The following CDH23 variants were observed in gnomAD, a reference collection of about 807,000 sequenced individuals.
CDH23 encodes cadherin-23.
CDH23 carries 189 observed loss-of-function variants against 317.1 expected under a neutral mutation model. The ratio of observed to expected loss-of-function variants is 0.60; its 90% confidence interval spans 0.53 to 0.67. CDH23 has a LOEUF of 0.67. CDH23 is among the 30% of genes least tolerant of loss of function. The pLI is 0.00. For missense variants in CDH23, 4,401 were observed against 4,592.4 expected (o/e 0.96, Z 1.20); for synonymous variants, 1,839 against 1,876.8 (o/e 0.98, Z 0.52).
At chr10:71,434,772 G>T (rs561267895) in intron 1 of CDH23, among the ~76,000 whole-genome samples, 1 of 152,150 alleles carries the variant, frequency 6.6e-6, no homozygotes, top group African/African-American at 2.4e-5. Context: ...AAGCAGTAGC[G>T]GGTGAGGAGG....
chr10:71,608,217 TC>T (rs1860644612), intron 9 of CDH23, among the ~76,000 whole-genome samples: 1 of 152,104 alleles, frequency 6.6e-6, no homozygotes, highest in Non-Finnish European at 1.5e-5. Flanking sequence ...CGTAATAGAC[TC>T]CAGGCACAGA....
At chr10:71,796,874 T>G in intron 48 of CDH23, 1 of 456,492 alleles carries the variant, frequency 2.2e-6, no homozygotes, top group East Asian at 3.8e-5. Flanking sequence ...TGCAGAGAGG[T>G]GACATAACTT....
intron 20 of CDH23, 127 bp downstream of exon 20, chr10:71,690,711 C>A: frequency 1.5e-6 from 1 of 651,410 alleles, no homozygotes; most frequent in Non-Finnish European, 2.8e-6. Flanking sequence ...CAGCTTTGAG[C>A]ACCAGTGTAA....
intron 1 of CDH23, among the ~76,000 whole-genome samples, chr10:71,403,326 C>CTTTCTTT (rs1847877800): frequency 3.6e-4 from 22 of 60,762 alleles, no homozygotes; most frequent in Non-Finnish European, 5.5e-4. Flanking sequence ...TTCCTTCCTT[C>CTTTCTTT]CTTTCTTTCT....
intron 13 of CDH23, 109 bp downstream of exon 13, chr10:71,646,089 C>A: frequency 7.2e-7 from 1 of 1,385,594 alleles, no homozygotes; most frequent in Non-Finnish European, 9.9e-7. Context: ...TGCTGCCCAT[C>A]TTCCCTTGTG....
chr10:71,594,360 CCT>C (rs1355218939), intron 9 of CDH23, among the ~76,000 whole-genome samples: 54 of 147,510 alleles, frequency 3.7e-4, no homozygotes, highest in Admixed American at 4.7e-4. Flanking sequence ...TCTCTCCCTC[CCT>C]CTCTCTCTCT....
intron 38 of CDH23, among the ~76,000 whole-genome samples, chr10:71,777,012 A>G (rs1564788312): frequency 1.3e-5 from 2 of 152,222 alleles, no homozygotes; most frequent in Admixed American, 6.5e-5. Context: ...TTGTGGTCCA[A>G]TTGACTCAAG....
Position 71,777,725 on chromosome 10 carries a change from G to A in CDH23, c.4891G>A (p.Ala1631Thr), listed in dbSNP as rs780170048. Residue 1631 changes from alanine (A) to threonine (T), a missense_variant, in exon 39 of 70, where the codon GCG (alanine) becomes ACG (threonine). Physicochemically the swap from Ala to Thr is moderately conservative, Grantham distance 58. Transcript: ENST00000224721. ...YVTIVDENDN[A>T]PMFQQPHYEV... ...GACCATTGTGGATGAGAATGATAAC[G>A]CGCCCATGTTCCAGCAGCCCCACTA... is the stretch of plus-strand genomic sequence containing the variant. 72 of 1,613,284 alleles carry A rather than the reference G, an allele frequency of 4.5e-5. No individual in the cohort carries two copies. Among genetic ancestry groups the A allele is most frequent in the Admixed American group, 6.7e-5 (4 of 59,904 alleles).
At chr10:71,404,179 C>CAT (rs1258519126) in intron 1 of CDH23, among the ~76,000 whole-genome samples, 1 of 152,188 alleles carries the variant, frequency 6.6e-6, no homozygotes, top group Non-Finnish European at 1.5e-5. Context: ...TGAATTTTCG[C>CAT]ATATATATAC....
At chr10:71,761,771 A>G (rs769905999) in intron 38 of CDH23, 2 of 1,614,160 alleles carry the variant, frequency 1.2e-6, no homozygotes, top group Non-Finnish European at 1.7e-6. Flanking sequence ...GCGCTGAGCC[A>G]GGTCGTGGCT....
At chr10:71,428,328 G>A (rs147639579) in intron 1 of CDH23, among the ~76,000 whole-genome samples, 2,344 of 151,426 alleles carry the variant, frequency 0.015, 44 homozygotes, top group African/African-American at 0.052. Context: ...AGTAGAGATG[G>A]GGTTTCACCA....
chr10:71,590,874 A>G (rs922937389), intron 9 of CDH23, among the ~76,000 whole-genome samples: 1 of 67,332 alleles, frequency 1.5e-5, no homozygotes, highest in Non-Finnish European at 3.0e-5. Flanking sequence ...CCCTGTCTCT[A>G]AAAAAAAAAA....
chr10:71,702,810 A>G lies in CDH23; in HGVS notation c.2733+116A>G, dbSNP rs1250622051. ...GGGCAGGGGAGGAGCTGGGTCTTGA[A>G]GGACAGAGGCTCTGGAGATGTGGAG... On this transcript the variant is annotated intron_variant, in intron 24 of 69. Transcript: ENST00000224721. 3.4e-6 allele frequency: 4 copies of G among 1,179,294 alleles called. No homozygotes were observed. In the East Asian group the frequency reaches 9.5e-5, roughly 28 times the overall value. 73.1% of individuals were successfully genotyped at this position (1,179,294 alleles called of 1,614,324 possible).
chr10:71,743,162 T>C (rs1839780597), intron 38 of CDH23, among the ~76,000 whole-genome samples: 1 of 152,148 alleles, frequency 6.6e-6, no homozygotes, highest in African/African-American at 2.4e-5. Flanking sequence ...ACTCAAGCTA[T>C]GGGAAAATAA....
At chr10:71,772,069 G>A (rs533558370) in intron 38 of CDH23, among the ~76,000 whole-genome samples, 1 of 152,178 alleles carries the variant, frequency 6.6e-6, no homozygotes, top group Non-Finnish European at 1.5e-5. Flanking sequence ...CCTTGGTGCT[G>A]AGACTGTCCA....
intron 28 of CDH23, among the ~76,000 whole-genome samples, chr10:71,718,462 G>A (rs1324116004): frequency 4.0e-5 from 6 of 149,512 alleles, no homozygotes; most frequent in East Asian, 2.1e-4. Context: ...CAGGGCCTCC[G>A]CCTTTGCGGC....
At position 71,784,375 on chromosome 10, in the gene CDH23, G is replaced by A; in HGVS notation, c.5457G>A (p.Leu1819=). The A allele has an allele frequency of 6.2e-7, 1 of 1,613,926 alleles. No homozygotes were observed. Among genetic ancestry groups the A allele is most frequent in the Non-Finnish European group, 8.5e-7 (1 of 1,179,824 alleles). ...LDRETIAFYN[L]TICARDRGMP... ...GGGAGACCATCGCCTTCTACAACCT[G>A]ACCATCTGTGCCCGTGACCGGGGGA... is the stretch of plus-strand genomic sequence containing the variant. Residue 1819 remains leucine, a synonymous_variant, in exon 42 of 70, where the codon CTG becomes CTA. Coordinates refer to ENST00000224721, the MANE Select transcript of CDH23 (RefSeq NM_022124.6).
intron 9 of CDH23, among the ~76,000 whole-genome samples, chr10:71,595,423 G>C (rs976854412): frequency 6.6e-6 from 1 of 152,112 alleles, no homozygotes; most frequent in Admixed American, 6.5e-5. Flanking sequence ...ACTGACAGTA[G>C]CAGGTTTGTC....
chr10:71,707,159 C>G, intron 26 of CDH23, 110 bp downstream of exon 26: 2 of 1,545,068 alleles, frequency 1.3e-6, no homozygotes, highest in Non-Finnish European at 1.7e-6. Context: ...GAAAAGAGGT[C>G]AGGGCTCTAC....
Sources: gnomAD v4.1 joint callset for allele counts (sites outside exome capture counted in the v4.1 genomes callset) on GRCh38, gnomAD v4.1.1 for gene constraint, MANE v1.5 for transcripts, NCBI Gene and HGNC (gene_info 2026-07-23, HGNC 2026-07-21) for gene names.